DNM1: variants seen among roughly 807,000 people sequenced by gnomAD.
DNM1 encodes dynamin-1.
Under a neutral mutation model 104.6 loss-of-function variants are expected in DNM1, and 29 were observed. The ratio of observed to expected loss-of-function variants is 0.28; its 90% CI spans 0.21 to 0.38. DNM1 has a LOEUF of 0.38. Among genes scored for constraint, DNM1 ranks in the 10% least tolerant of loss-of-function variants. DNM1 has a pLI of 1.00. For synonymous variants in DNM1, 445 were observed against 475.8 expected, an observed-to-expected ratio of 0.94 and a Z score of 0.84; for missense variants, 640 against 1,189.4, an observed-to-expected ratio of 0.54 and a Z score of 6.79.
intron 21 of DNM1, chr9:128,252,889 C>G: frequency 1.5e-6 from 1 of 687,032 alleles, no homozygotes; most frequent in South Asian, 1.5e-5. Context: ...CACGCGCCGC[C>G]GGCCAGTGAG....
intron 11 of DNM1, among the ~76,000 whole-genome samples, chr9:128,237,059 T>A (rs140426369): frequency 1.5e-3 from 223 of 152,304 alleles, no homozygotes; most frequent in African/African-American, 5.1e-3. Flanking sequence ...TCACCAGTTC[T>A]AAGAGGCAGA....
At chr9:128,249,151 C>A (rs1328796987) in intron 19 of DNM1, among the ~76,000 whole-genome samples, 1 of 150,004 alleles carries the variant, frequency 6.7e-6, no homozygotes, top group African/African-American at 2.5e-5. Flanking sequence ...CGAGATCCTG[C>A]CACTGCACTC....
chr9:128,212,985 G>A (rs1834391732), intron 1 of DNM1, among the ~76,000 whole-genome samples: 3 of 152,240 alleles, frequency 2.0e-5, no homozygotes, highest in Admixed American at 2.0e-4. Context: ...TAGCCATGAT[G>A]ATGATGATGA....
At position 128,239,440 on chromosome 9, in the gene DNM1, T is replaced by C. The variant is rs1836224171; in HGVS notation, c.1423-5T>C. On this transcript the variant is annotated splice_region_variant and splice_polypyrimidine_tract_variant and intron_variant, in intron 11 of 21. Coordinates refer to ENST00000372923, the MANE Select transcript of DNM1 (RefSeq NM_004408.4). The stretch of plus-strand genomic sequence containing the variant: ...GCTTGCCCACCAACCTATGTATCCT[T>C]GAAGGTCATGCTTCTCATCGATATC... The C allele has an allele frequency of 6.2e-7, 1 of 1,613,548 alleles. No homozygotes were observed. Among genetic ancestry groups the C allele is most frequent in the South Asian group, 1.1e-5 (1 of 91,054 alleles).
At position 128,224,196 on chromosome 9, in the gene DNM1, T is replaced by C. The variant is rs1835196635; in HGVS notation, c.1197-55T>C. 2 of 1,569,814 alleles carry C rather than the reference T, an allele frequency of 1.3e-6. No homozygotes were observed. Among genetic ancestry groups the C allele is most frequent in the African/African-American group, 2.7e-5 (2 of 73,950 alleles). ...TTGGGGAGGAGCCTCGGCCTGGCCC[T>C]CCTGGCCGGCACTGGCCTGTGACAC... On this transcript the variant is annotated intron_variant, in intron 9 of 21. Transcript: ENST00000372923. The surrounding 1 kb of genome is among the most constrained non-coding windows in gnomAD (Gnocchi z 4.3).
intron 10 of DNM1, among the ~76,000 whole-genome samples, chr9:128,229,243 T>A (rs1406508912): frequency 6.6e-6 from 1 of 151,202 alleles, no homozygotes; most frequent in Non-Finnish European, 1.5e-5. Flanking sequence ...TTTTTTTTTT[T>A]AATTAGCCAG....
In DNM1 at chr9:128,247,349, C is replaced by T. The variant is rs1397879828; in HGVS notation, c.1782-26C>T. On this transcript the variant is annotated intron_variant, in intron 16 of 21. Coordinates refer to ENST00000372923, the MANE Select transcript of DNM1 (RefSeq NM_004408.4). This position sits in a 1 kb window ranked among gnomAD's most constrained non-coding sequence, Gnocchi z 5.1. ...GGGAGGGTCAGACTTTGCCCATCTG[C>T]CCTCACTGCCTGCCCTATCTTGCAG... is the stretch of plus-strand genomic sequence containing the variant. The T allele has an allele frequency of 6.4e-7, 1 of 1,557,414 alleles. No homozygotes were observed. Among genetic ancestry groups the T allele is most frequent in the Admixed American group, 1.7e-5 (1 of 58,004 alleles).
At position 128,218,935 on chromosome 9, in the gene DNM1, C is replaced by T. The variant is rs181308722; in HGVS notation, c.386-114C>T. ...CACTTTCGCCCTGAGATTTCCTAGT[C>T]CCACCCACCTGCCACCCTGCTCCCA... On this transcript the variant is annotated intron_variant, in intron 3 of 21. Transcript: ENST00000372923. The surrounding 1 kb of genome is among the most constrained non-coding windows in gnomAD (Gnocchi z 4.8). 4.8e-5 allele frequency: 65 copies of T among 1,343,082 alleles called. No individual in the cohort carries two copies. In the African/African-American group the frequency reaches 8.2e-4, roughly 17 times the overall value. The allele number at this position is 1,343,082 out of a possible 1,614,324, so 83.2% of individuals were successfully genotyped here.
intron 1 of DNM1, among the ~76,000 whole-genome samples, chr9:128,205,805 C>G (rs886422918): frequency 1.3e-5 from 2 of 152,176 alleles, no homozygotes; most frequent in African/African-American, 4.8e-5. Context: ...CAGGGGCCAT[C>G]CCTGACCACA....
chr9:128,212,526 CAGAA>C (rs973557395), intron 1 of DNM1, among the ~76,000 whole-genome samples: 2 of 152,072 alleles, frequency 1.3e-5, no homozygotes, highest in African/African-American at 4.8e-5. Context: ...AGGAGGGAAA[CAGAA>C]AGAGGATCCA....
chr9:128,227,043 C>G (rs1342611854), intron 10 of DNM1, among the ~76,000 whole-genome samples: 6 of 108,992 alleles, frequency 5.5e-5, no homozygotes, highest in Non-Finnish European at 8.4e-5. Context: ...GAGATGGAAT[C>G]TTGCTCTGTC....
rs986280985 is a variant in DNM1 at position 128,254,568 on chromosome 9, GC to G, written c.2535-82del. 2.9e-5 allele frequency: 46 copies of G among 1,586,710 alleles called. No individual in the cohort carries two copies. In the East Asian group the frequency reaches 3.4e-4, roughly 12 times the overall value. The stretch of plus-strand genomic sequence containing the variant: ...TCCCACCACTGCTGCGGCGCGGCCG[GC>G]CCCGGCCGTGTGCTGCGCTTGCCTT... On this transcript the variant is annotated intron_variant, in intron 21 of 21. Transcript: ENST00000372923. The surrounding 1 kb of genome is among the most constrained non-coding windows in gnomAD (Gnocchi z 6.1).
chr9:128,209,640 G>A (rs1834173397), intron 1 of DNM1, among the ~76,000 whole-genome samples: 1 of 152,188 alleles, frequency 6.6e-6, no homozygotes, highest in Non-Finnish European at 1.5e-5. Context: ...GGATGTGGAG[G>A]CGTGGGGACA....
chr9:128,220,742 C>CGCGCGCGCGCGCGCGCGCGCGCGCGT lies in DNM1; in HGVS notation c.849+402_849+403insCGCGCGCGCGCGCGCGCGCGCGCGTG, dbSNP rs61020870. Among the ~76,000 whole-genome samples, 1 of 136,278 alleles carries CGCGCGCGCGCGCGCGCGCGCGCGCGT rather than the reference C, an allele frequency of 7.3e-6. No individual in the cohort carries two copies. Among genetic ancestry groups the CGCGCGCGCGCGCGCGCGCGCGCGCGT allele is most frequent in the Non-Finnish European group, 1.6e-5 (1 of 63,298 alleles). 89.4% of individuals were successfully genotyped at this position (136,278 alleles called of 152,430 possible). Reference sequence around the variant, plus strand: ...CAGAACTGAAGTGCGCGCGCGCGCGCGTGTGTGTGTGTGTGTGTGTGTGTG... The same window carrying CGCGCGCGCGCGCGCGCGCGCGCGCGT: ...CAGAACTGAAGTGCGCGCGCGCGCGCGCGCGCGCGCGCGCGCGCGCGCGCGTGTGTGTGTGTGTGTGTGTGTGTGTG... On this transcript the variant is annotated intron_variant, in intron 6 of 21. Transcript: ENST00000372923. The surrounding 1 kb of genome is among the most constrained non-coding windows in gnomAD (Gnocchi z 5.2).
intron 10 of DNM1, among the ~76,000 whole-genome samples, chr9:128,227,680 C>G (rs1835429790): frequency 6.6e-6 from 1 of 152,162 alleles, no homozygotes; most frequent in African/African-American, 2.4e-5. Context: ...CCACGCTCAG[C>G]CAGTCTCATG....
intron 10 of DNM1, chr9:128,231,940 C>G (rs1018866606): frequency 1.3e-5 from 6 of 452,120 alleles, no homozygotes; most frequent in Admixed American, 7.1e-5. Flanking sequence ...CCAGGCTGAT[C>G]GCCCCCTCAG....
rs2131159803 is a variant in DNM1 at position 128,220,690 on chromosome 9, A to T, written c.849+349A>T. Among the ~76,000 whole-genome samples, 1 of 147,574 alleles carries T rather than the reference A, an allele frequency of 6.8e-6. No homozygotes were observed. The highest frequency in any genetic ancestry group is 2.2e-4 in the East Asian group (1 of 4,592). ...AGGGAATCCCAGGGGCTTCCCCAGG[A>T]CTTTTCTCCATCTGGAATGGGGCAT... On this transcript the variant is annotated intron_variant, in intron 6 of 21. Coordinates refer to ENST00000372923, the MANE Select transcript of DNM1 (RefSeq NM_004408.4). The surrounding 1 kb of genome is among the most constrained non-coding windows in gnomAD (Gnocchi z 5.2).
chr9:128,224,460 C>G lies in DNM1; in HGVS notation c.1335+71C>G. 1 of 1,479,836 alleles carries G rather than the reference C, an allele frequency of 6.8e-7. No individual in the cohort carries two copies. Among genetic ancestry groups the G allele is most frequent in the Non-Finnish European group, 9.2e-7 (1 of 1,085,512 alleles). 91.7% of individuals were successfully genotyped at this position (1,479,836 alleles called of 1,614,324 possible). A position where few individuals can be genotyped will look rare whatever the true frequency, so the allele number is the denominator to read the frequency against. On this transcript the variant is annotated intron_variant, in intron 10 of 21. Transcript: ENST00000372923. This position sits in a 1 kb window ranked among gnomAD's most constrained non-coding sequence, Gnocchi z 4.3. ...TGCACTGCTGCCAGGCGCTCCTTCC[C>G]CATGTCCCCCCCTGCCTCCTCGGTA... is the stretch of plus-strand genomic sequence containing the variant.
chr9:128,228,599 G>A (rs1182482856), intron 10 of DNM1, among the ~76,000 whole-genome samples: 1 of 152,114 alleles, frequency 6.6e-6, no homozygotes, highest in Non-Finnish European at 1.5e-5. Flanking sequence ...CAATCTTCTA[G>A]GAATCTATCC....
Sources: gnomAD v4.1 joint callset for allele counts (sites outside exome capture counted in the v4.1 genomes callset) on GRCh38, gnomAD v4.1.1 for gene constraint, Gnocchi (gnomAD v3.1) non-coding constraint, MANE v1.5 for transcripts, NCBI Gene and HGNC (gene_info 2026-07-23, HGNC 2026-07-21) for gene names.